ACTR3C: variants seen among roughly 807,000 people sequenced by gnomAD.
ACTR3C encodes the protein actin-related protein 3C.
In ACTR3C, 18 loss-of-function variants were observed where a neutral mutation model predicts 26.3. The observed-to-expected ratio is 0.68, with a 90% CI of 0.47 to 1.01. The LOEUF is 1.01. Among genes scored for constraint, ACTR3C ranks in the 50% least tolerant of loss-of-function variants. The pLI, the probability that ACTR3C is intolerant of heterozygous loss-of-function variation, is 0.00. For missense variants in ACTR3C, 184 were observed against 250.7 expected (o/e 0.73, Z 1.80); for synonymous variants, 55 against 94.5 (o/e 0.58, Z 2.42).
the ACTR3C span, among the ~76,000 whole-genome samples, chr7:149,926,146 G>A: frequency 6.6e-6 from 1 of 151,980 alleles, no homozygotes; most frequent in East Asian, 1.9e-4. Context: ...TCAAAATCTA[G>A]AAACAATAAA....
At chr7:149,903,299 AC>A in the ACTR3C span, among the ~76,000 whole-genome samples, 10 of 151,374 alleles carry the variant, frequency 6.6e-5, no homozygotes, top group Non-Finnish European at 1.5e-4. Context: ...AGACAAAATA[AC>A]CACTATTTGA....
chr7:150,049,865 T>C, the ACTR3C span, among the ~76,000 whole-genome samples: 1 of 129,482 alleles, frequency 7.7e-6, no homozygotes, highest in Non-Finnish European at 1.7e-5. Flanking sequence ...AAAAACACTT[T>C]AAAAAAATAG....
chr7:150,247,186 C>T (rs1295962780), downstream of ACTR3C: 1 of 152,186 alleles, frequency 6.6e-6, no homozygotes, highest in Non-Finnish European at 1.5e-5. Context: ...AATCTCCTTC[C>T]ACTCCTGAGA....
At chr7:150,028,398 ACGGGAG>A in the ACTR3C span, among the ~76,000 whole-genome samples, 1 of 152,418 alleles carries the variant, frequency 6.6e-6, no homozygotes, top group East Asian at 1.9e-4. Context: ...GTGTAAGTGC[ACGGGAG>A]ATCAAACCTC....
chr7:150,042,864 A>G, the ACTR3C span, among the ~76,000 whole-genome samples: 1 of 150,994 alleles, frequency 6.6e-6, no homozygotes, highest in Admixed American at 6.6e-5. Flanking sequence ...TGACGCATAC[A>G]ATGGAAAAGG....
At chr7:149,939,525 G>T in the ACTR3C span, among the ~76,000 whole-genome samples, 1 of 152,056 alleles carries the variant, frequency 6.6e-6, no homozygotes, top group Non-Finnish European at 1.5e-5. Flanking sequence ...ACTAGAGAAT[G>T]ACTTCCCGTT....
the ACTR3C span, among the ~76,000 whole-genome samples, chr7:149,927,533 G>T: frequency 5.2e-4 from 79 of 151,860 alleles, no homozygotes; most frequent in African/African-American, 1.8e-3. Context: ...GTTCAAGACC[G>T]GCCTGACCAA....
chr7:149,923,257 T>C, the ACTR3C span, among the ~76,000 whole-genome samples: 8 of 151,964 alleles, frequency 5.3e-5, no homozygotes, highest in African/African-American at 1.9e-4. Context: ...AATATATCAA[T>C]CATATCAATA....
the ACTR3C span, among the ~76,000 whole-genome samples, chr7:150,006,743 T>C: frequency 1.3e-5 from 2 of 151,952 alleles, no homozygotes; most frequent in African/African-American, 4.8e-5. Context: ...ATGGTGGTGG[T>C]GGTGGTGGCT....
At chr7:150,178,921 T>G in the ACTR3C span, among the ~76,000 whole-genome samples, 3 of 150,408 alleles carry the variant, frequency 2.0e-5, no homozygotes, top group Non-Finnish European at 2.9e-5. Context: ...GTCTACAGAC[T>G]ACTTAATTTT....
At chr7:150,023,952 A>G in the ACTR3C span, among the ~76,000 whole-genome samples, 2 of 140,028 alleles carry the variant, frequency 1.4e-5, no homozygotes, top group Admixed American at 1.5e-4. Flanking sequence ...GAGGAAGCGC[A>G]GGCTTGGAAA....
At chr7:149,958,297 A>G in the ACTR3C span, among the ~76,000 whole-genome samples, 1 of 152,030 alleles carries the variant, frequency 6.6e-6, no homozygotes, top group Non-Finnish European at 1.5e-5. Flanking sequence ...TCCTGCCTAC[A>G]CAGAATAAAT....
At chr7:150,128,958 A>G in the ACTR3C span, among the ~76,000 whole-genome samples, 1 of 150,790 alleles carries the variant, frequency 6.6e-6, no homozygotes, top group Non-Finnish European at 1.5e-5. Flanking sequence ...GGCCTAATGA[A>G]CTGAGGACAC....
the ACTR3C span, among the ~76,000 whole-genome samples, chr7:150,147,756 T>G: frequency 6.6e-6 from 1 of 151,908 alleles, no homozygotes; most frequent in Non-Finnish European, 1.5e-5. Flanking sequence ...CAACCACAGC[T>G]GCAGGACGTT....
chr7:150,294,496 CA>C (rs1563190785), intron 2 of ACTR3C, among the ~76,000 whole-genome samples: 4 of 152,330 alleles, frequency 2.6e-5, no homozygotes, highest in South Asian at 2.1e-4. Flanking sequence ...GTAACTTAGC[CA>C]GGGGGAAGAT....
At chr7:150,235,276 T>C in the ACTR3C span, among the ~76,000 whole-genome samples, 11 of 152,280 alleles carry the variant, frequency 7.2e-5, no homozygotes, top group East Asian at 1.7e-3. Flanking sequence ...GACAACACAA[T>C]AGATTACACA....
chr7:150,213,370 G>C, the ACTR3C span, among the ~76,000 whole-genome samples: 1 of 152,142 alleles, frequency 6.6e-6, no homozygotes, highest in Non-Finnish European at 1.5e-5. Context: ...GTCAGTGGCT[G>C]ATCTAATCAT....
the ACTR3C span, among the ~76,000 whole-genome samples, chr7:150,205,994 C>T: frequency 7.6e-3 from 1,159 of 152,050 alleles, 15 homozygotes; most frequent in African/African-American, 0.026. Flanking sequence ...GTCACTTTTA[C>T]GTAATGGTAC....
chr7:150,069,230 C>A, the ACTR3C span, among the ~76,000 whole-genome samples: 1 of 152,134 alleles, frequency 6.6e-6, no homozygotes, highest in African/African-American at 2.4e-5. Flanking sequence ...TGCTGAAGGG[C>A]AGCTGTTTTT....
Sources: gnomAD v4.1 joint callset for allele counts (sites outside exome capture counted in the v4.1 genomes callset) on GRCh38, gnomAD v4.1.1 for gene constraint, MANE v1.5 for transcripts, NCBI Gene and HGNC (gene_info 2026-07-23, HGNC 2026-07-21) for gene names.